The following HDAC9 variants were observed in gnomAD, a reference collection of about 807,000 sequenced individuals.
HDAC9 encodes histone deacetylase 9.
HDAC9 carries 41 observed loss-of-function variants against 139.4 expected under a neutral mutation model. That is an observed-to-expected ratio of 0.29 (90% CI 0.23 to 0.38). The LOEUF (loss-of-function observed/expected upper bound fraction) is 0.38, where lower values mean the gene tolerates loss of function less well. HDAC9 is among the 10% of genes least tolerant of loss of function. The pLI is 1.00. For synonymous variants in HDAC9, 517 were observed against 476.2 expected (o/e 1.09, Z -1.12); for missense variants, 1,147 against 1,297.0 (o/e 0.88, Z 1.78).
chr7:18,908,902 C>T (rs1802505155), intron 22 of HDAC9, among the ~76,000 whole-genome samples: 1 of 152,030 alleles, frequency 6.6e-6, no homozygotes, highest in African/African-American at 2.4e-5. Flanking sequence ...CATTGATTTC[C>T]TTCCTTTGGA....
intron 12 of HDAC9, among the ~76,000 whole-genome samples, chr7:18,723,996 C>T (rs1470672329): frequency 6.6e-6 from 1 of 152,074 alleles, no homozygotes; most frequent in Non-Finnish European, 1.5e-5. Flanking sequence ...GAGCTTTCAA[C>T]GTTATACAAG....
intron 22 of HDAC9, among the ~76,000 whole-genome samples, chr7:18,890,112 A>T (rs1365284061): frequency 2.6e-5 from 4 of 152,230 alleles, no homozygotes; most frequent in Admixed American, 2.6e-4. Flanking sequence ...AAGAGTAAAT[A>T]CAGAAACTCA....
At chr7:18,368,187 T>TA (rs1159437963) in intron 1 of HDAC9, among the ~76,000 whole-genome samples, 1 of 152,108 alleles carries the variant, frequency 6.6e-6, no homozygotes, top group African/African-American at 2.4e-5. Context: ...TTTTTTTAAC[T>TA]AAACAGTTAA....
intron 1 of HDAC9, among the ~76,000 whole-genome samples, chr7:18,159,884 GTTTAAC>G (rs1398931092): frequency 2.6e-5 from 4 of 152,144 alleles, no homozygotes; most frequent in Non-Finnish European, 5.9e-5. Context: ...AAGGGGAGTT[GTTTAAC>G]TTTAAAAAAG....
chr7:18,970,221 T>C (rs1784158977), intron 24 of HDAC9, among the ~76,000 whole-genome samples: 1 of 152,174 alleles, frequency 6.6e-6, no homozygotes, highest in African/African-American at 2.4e-5. Flanking sequence ...ATTGTATCAG[T>C]GAGTGATAGA....
chr7:18,206,520 G>A (rs1216809334), intron 2 of HDAC9, among the ~76,000 whole-genome samples: 2 of 152,092 alleles, frequency 1.3e-5, no homozygotes, highest in African/African-American at 4.8e-5. Flanking sequence ...GTATATACAA[G>A]ATCCTTGGCC....
At chr7:18,645,868 A>T (rs1584538898) in intron 9 of HDAC9, among the ~76,000 whole-genome samples, 1 of 152,216 alleles carries the variant, frequency 6.6e-6, no homozygotes, top group East Asian at 1.9e-4. Flanking sequence ...TTTAAAATCA[A>T]CCTAAGAGAT....
chr7:18,631,396 G>A (rs142278315), intron 7 of HDAC9, among the ~76,000 whole-genome samples: 24 of 151,974 alleles, frequency 1.6e-4, no homozygotes, highest in African/African-American at 5.3e-4. Flanking sequence ...TGGAGGCTCC[G>A]GACTACTGAC....
intron 2 of HDAC9, among the ~76,000 whole-genome samples, chr7:18,508,660 T>G (rs1356729601): frequency 2.0e-5 from 3 of 152,194 alleles, no homozygotes; most frequent in African/African-American, 7.2e-5. Flanking sequence ...TATGAGTCAT[T>G]GCTAGTAGTT....
intron 1 of HDAC9, among the ~76,000 whole-genome samples, chr7:18,113,918 T>G (rs200859341): frequency 6.6e-6 from 1 of 152,364 alleles, no homozygotes; most frequent in South Asian, 2.1e-4. Flanking sequence ...ATATGGCTGT[T>G]GATATTGAAT....
intron 1 of HDAC9, chr7:18,458,864 A>G: frequency 2.6e-6 from 4 of 1,534,902 alleles, no homozygotes; most frequent in Non-Finnish European, 3.5e-6. Context: ...ACCTTGTACC[A>G]TGGGTGCTAT....
intron 14 of HDAC9, among the ~76,000 whole-genome samples, chr7:18,755,799 T>A (rs1562916914): frequency 6.6e-6 from 1 of 152,142 alleles, no homozygotes; most frequent in Non-Finnish European, 1.5e-5. Context: ...TAGAAATGGC[T>A]CTATGTCCTA....
intron 11 of HDAC9, among the ~76,000 whole-genome samples, chr7:18,650,339 C>T (rs960052506): frequency 6.6e-6 from 1 of 152,034 alleles, no homozygotes; most frequent in African/African-American, 2.4e-5. Context: ...ATAGACTTTT[C>T]TGCTATGCTT....
At chr7:18,378,812 G>A (rs944281340) in intron 1 of HDAC9, among the ~76,000 whole-genome samples, 3 of 152,070 alleles carry the variant, frequency 2.0e-5, no homozygotes, top group Non-Finnish European at 4.4e-5. Context: ...CAATTGAAGC[G>A]ATAGAGCATA....
chr7:18,829,243 T>C (rs1488821299), intron 18 of HDAC9, 27 bp downstream of exon 18: 9 of 1,578,278 alleles, frequency 5.7e-6, no homozygotes, highest in African/African-American at 1.3e-5. Flanking sequence ...GTTGCCCATC[T>C]CCAAGCACCA....
intron 12 of HDAC9, among the ~76,000 whole-genome samples, chr7:18,683,175 A>G (rs1392030536): frequency 6.6e-6 from 1 of 152,070 alleles, no homozygotes; most frequent in African/African-American, 2.4e-5. Flanking sequence ...AGAGATTTAG[A>G]AACAGCAAGG....
At chr7:18,774,857 C>T (rs1252771857) in intron 16 of HDAC9, among the ~76,000 whole-genome samples, 1 of 152,050 alleles carries the variant, frequency 6.6e-6, no homozygotes, top group Non-Finnish European at 1.5e-5. Flanking sequence ...CTGTTGGGCA[C>T]AACAGGTCTA....
At chr7:18,276,792 A>G (rs770059525) in intron 2 of HDAC9, among the ~76,000 whole-genome samples, 16 of 152,232 alleles carry the variant, frequency 1.1e-4, no homozygotes, top group Non-Finnish European at 2.2e-4. Flanking sequence ...AAGCTTATTC[A>G]TTTTAGCCTG....
At chr7:18,456,000 A>G (rs1793308000) in intron 1 of HDAC9, among the ~76,000 whole-genome samples, 1 of 152,190 alleles carries the variant, frequency 6.6e-6, no homozygotes, top group African/African-American at 2.4e-5. Flanking sequence ...CTTGCTAGGG[A>G]GATTTAACTC....
Sources: allele counts gnomAD v4.1 joint callset (sites outside exome capture counted in the v4.1 genomes callset), GRCh38; gene constraint gnomAD v4.1.1; transcripts MANE v1.5; gene names NCBI Gene and HGNC (gene_info 2026-07-23, HGNC 2026-07-21).